Variants in EPB41L5 observed in about 807,000 individuals in gnomAD.
EPB41L5 encodes erythrocyte membrane protein band 4.1 like 5, also known as band 4.1-like protein 5.
A neutral mutation model predicts 106.6 loss-of-function variants in EPB41L5; 55 were observed. The ratio of observed to expected loss-of-function variants is 0.52; its 90% CI spans 0.42 to 0.65. The LOEUF (loss-of-function observed/expected upper bound fraction) is 0.65, where lower values mean the gene tolerates loss of function less well. Ranked by LOEUF, EPB41L5 falls within the 30% of genes least tolerant of loss-of-function variation. The pLI is 0.00. For missense variants in EPB41L5, 871 were observed against 882.1 expected (o/e 0.99, Z 0.16); for synonymous variants, 297 against 306.7 (o/e 0.97, Z 0.33).
At chr2:120,099,518 C>T (rs999931080) in intron 14 of EPB41L5, among the ~76,000 whole-genome samples, 11 of 152,034 alleles carry the variant, frequency 7.2e-5, no homozygotes, top group Non-Finnish European at 4.4e-5. Flanking sequence ...AGCTCCACCT[C>T]CTGGGTTCAC....
chr2:120,155,002 G>A (rs1048158814), intron 20 of EPB41L5, among the ~76,000 whole-genome samples: 17 of 152,094 alleles, frequency 1.1e-4, no homozygotes, highest in African/African-American at 2.2e-4. Context: ...TGTATTTATC[G>A]TTTAAATAAT....
At chr2:120,086,720 A>G (rs955787041) in intron 10 of EPB41L5, among the ~76,000 whole-genome samples, 4 of 152,180 alleles carry the variant, frequency 2.6e-5, no homozygotes, top group Non-Finnish European at 4.4e-5. Context: ...CACCCTGTGT[A>G]ATGGAGGGAG....
chr2:120,087,455 C>T (rs1291797514), intron 11 of EPB41L5, among the ~76,000 whole-genome samples: 2 of 152,144 alleles, frequency 1.3e-5, no homozygotes, highest in Non-Finnish European at 2.9e-5. Flanking sequence ...AAAGTGTCTT[C>T]TTGTTTCCTC....
intron 15 of EPB41L5, 43 bp downstream of exon 15, chr2:120,100,329 A>C: frequency 6.4e-7 from 1 of 1,568,684 alleles, no homozygotes. Context: ...TCACCCGTTA[A>C]TTATGGTAAC....
intron 1 of EPB41L5, among the ~76,000 whole-genome samples, chr2:120,015,025 T>C (rs1361578122): frequency 6.6e-6 from 1 of 150,774 alleles, no homozygotes; most frequent in Non-Finnish European, 1.5e-5. Flanking sequence ...ATTTTTTTTT[T>C]CCATTAAAAA....
chr2:120,105,456 A>G (rs1391620751), intron 16 of EPB41L5: 6 of 985,286 alleles, frequency 6.1e-6, no homozygotes, highest in African/African-American at 1.7e-5. Flanking sequence ...TTCCTGCCAG[A>G]CAAAGATTAA....
At chr2:120,167,391 G>A (rs954245963) in intron 22 of EPB41L5, 75 bp from the exon 23 acceptor site, 14 of 1,240,422 alleles carry the variant, frequency 1.1e-5, no homozygotes, top group South Asian at 3.7e-5. Context: ...CATAATAGAT[G>A]TAAGTAAGTA....
chr2:120,133,897 G>A (rs1685811333), intron 18 of EPB41L5, among the ~76,000 whole-genome samples: 1 of 152,154 alleles, frequency 6.6e-6, no homozygotes, highest in Non-Finnish European at 1.5e-5. Context: ...ACTTTGTCTT[G>A]TAGCTTGGAT....
chr2:120,018,937 C>A, intron 1 of EPB41L5, 140 bp from the exon 2 acceptor site: 1 of 715,510 alleles, frequency 1.4e-6, no homozygotes, highest in Non-Finnish European at 2.3e-6. Context: ...TGAGTCACTG[C>A]ACCCAGCCCA....
intron 14 of EPB41L5, among the ~76,000 whole-genome samples, chr2:120,094,025 A>G (rs1179630647): frequency 6.6e-6 from 1 of 152,070 alleles, no homozygotes; most frequent in Admixed American, 6.6e-5. Context: ...TCTTTCACCC[A>G]GGCTGCAGTA....
chr2:120,013,805 A>G (rs528726050), intron 1 of EPB41L5: 1 of 152,118 alleles, frequency 6.6e-6, no homozygotes, highest in Non-Finnish European at 1.5e-5. Flanking sequence ...CTCGAATTCT[A>G]CCTAAGAGCG....
chr2:120,032,358 A>G (rs1347938398), intron 2 of EPB41L5, among the ~76,000 whole-genome samples: 1 of 152,228 alleles, frequency 6.6e-6, no homozygotes, highest in East Asian at 1.9e-4. Flanking sequence ...AGCCTGGGCA[A>G]CAAGAGTGAA....
At position 120,160,890 on chromosome 2, in the gene EPB41L5, AAATGAG is replaced by A. The variant is rs1374752543; in HGVS notation, c.1807_1812del (p.Glu603_Asn604del). Reference sequence around the variant, plus strand: ...ATCTTTTTCTTCCTAGTGCTGTGTTAAATGAGAATAATGTGCCCCTCCCCAAAGAGT... The same window carrying A: ...ATCTTTTTCTTCCTAGTGCTGTGTTAAATAATGTGCCCCTCCCCAAAGAGT... On this transcript the variant is annotated inframe_deletion, in exon 21 of 25. Transcript: ENST00000263713. 6.2e-7 allele frequency: 1 copy of A among 1,611,896 alleles called. No homozygotes were observed. Among genetic ancestry groups the A allele is most frequent in the Admixed American group, 1.7e-5 (1 of 60,026 alleles).
At chr2:120,068,172 A>C (rs1283293591) in intron 3 of EPB41L5, among the ~76,000 whole-genome samples, 3 of 152,218 alleles carry the variant, frequency 2.0e-5, no homozygotes, top group Non-Finnish European at 4.4e-5. Context: ...CGGGAAGCAC[A>C]AGGGGTCGGG....
intron 3 of EPB41L5, among the ~76,000 whole-genome samples, chr2:120,071,688 C>T (rs1681878398): frequency 6.6e-6 from 1 of 152,196 alleles, no homozygotes; most frequent in African/African-American, 2.4e-5. Flanking sequence ...AAAGGATTCC[C>T]TATTTAATAA....
At chr2:120,146,101 G>T (rs1220991604) in intron 19 of EPB41L5, 124 bp from the exon 20 acceptor site, 2 of 633,054 alleles carry the variant, frequency 3.2e-6, no homozygotes, top group Non-Finnish European at 2.8e-6. Context: ...GATAAGGTAT[G>T]ATTACCTCTT....
At chr2:120,061,297 A>G (rs13407930) in intron 3 of EPB41L5, among the ~76,000 whole-genome samples, 36,547 of 141,768 alleles carry the variant, frequency 0.26, 5,035 homozygotes, top group African/African-American at 0.35. Context: ...ATCTCGGCTC[A>G]CTGCAAGCTC....
chr2:120,063,022 T>C (rs1319207437), intron 3 of EPB41L5, among the ~76,000 whole-genome samples: 1 of 152,054 alleles, frequency 6.6e-6, no homozygotes, highest in Non-Finnish European at 1.5e-5. Context: ...GACTATATTG[T>C]AAATAGATAC....
intron 16 of EPB41L5, among the ~76,000 whole-genome samples, chr2:120,102,521 CT>C (rs1452310489): frequency 1.3e-5 from 2 of 152,050 alleles, no homozygotes; most frequent in Admixed American, 1.3e-4. Flanking sequence ...GCATTTCATT[CT>C]TTTTTCTGCA....
Sources: allele counts gnomAD v4.1 joint callset (sites outside exome capture counted in the v4.1 genomes callset), GRCh38; gene constraint gnomAD v4.1.1; transcripts MANE v1.5; gene names NCBI Gene and HGNC (gene_info 2026-07-23, HGNC 2026-07-21).